Variants in DYNC1I1 observed in about 807,000 individuals in gnomAD.
DYNC1I1 encodes dynein cytoplasmic 1 intermediate chain 1, also known as cytoplasmic dynein 1 intermediate chain 1.
Under a neutral mutation model 86.6 loss-of-function variants are expected in DYNC1I1, and 43 were observed. The ratio of observed to expected loss-of-function variants is 0.50; its 90% CI spans 0.39 to 0.64. The LOEUF (loss-of-function observed/expected upper bound fraction) is 0.64. Ranked by LOEUF, DYNC1I1 falls within the 30% of genes least tolerant of loss-of-function variation. DYNC1I1 has a pLI of 0.00. For missense variants in DYNC1I1, 604 were observed against 788.8 expected, an observed-to-expected ratio of 0.77 and a Z score of 2.81; for synonymous variants, 262 against 283.7, an observed-to-expected ratio of 0.92 and a Z score of 0.77.
At chr7:96,017,124 AT>A (rs1794422090) in intron 10 of DYNC1I1, among the ~76,000 whole-genome samples, 1 of 152,146 alleles carries the variant, frequency 6.6e-6, no homozygotes, top group Admixed American at 6.6e-5. Flanking sequence ...GTCTTGAGTA[AT>A]CTGTTCTCTC....
intron 6 of DYNC1I1, among the ~76,000 whole-genome samples, chr7:95,934,078 G>GC (rs1791975232): frequency 6.6e-6 from 1 of 152,068 alleles, no homozygotes; most frequent in Non-Finnish European, 1.5e-5. Context: ...TCTTGGAACA[G>GC]TGATAAAGAA....
chr7:96,038,375 TC>T (rs1788932790), intron 13 of DYNC1I1, among the ~76,000 whole-genome samples: 1 of 152,206 alleles, frequency 6.6e-6, no homozygotes, highest in African/African-American at 2.4e-5. Context: ...TCTCACATCT[TC>T]CTAATTGTAT....
chr7:95,996,169 C>T (rs1199554473), intron 10 of DYNC1I1, 96 bp downstream of exon 10: 9 of 1,548,056 alleles, frequency 5.8e-6, no homozygotes, highest in Admixed American at 2.0e-5. Context: ...AGGAAGAACT[C>T]AGTTTAAAAA....
intron 6 of DYNC1I1, among the ~76,000 whole-genome samples, chr7:95,967,096 G>A (rs1320370057): frequency 6.6e-6 from 1 of 152,030 alleles, no homozygotes; most frequent in African/African-American, 2.4e-5. Flanking sequence ...CCACATTGGG[G>A]CATACAGATA....
chr7:96,103,424 A>G (rs1413962117), downstream of DYNC1I1, among the ~76,000 whole-genome samples: 1 of 152,216 alleles, frequency 6.6e-6, no homozygotes, highest in African/African-American at 2.4e-5. Context: ...CATCTCTGTC[A>G]TGATTCTGGC....
chr7:96,018,096 C>G (rs914783721), intron 10 of DYNC1I1, among the ~76,000 whole-genome samples: 1 of 152,198 alleles, frequency 6.6e-6, no homozygotes, highest in Non-Finnish European at 1.5e-5. Flanking sequence ...AGAAACCCAA[C>G]TGGAGAGAGG....
chr7:95,779,038 A>G (rs1016092320), intron 1 of DYNC1I1, among the ~76,000 whole-genome samples: 11 of 152,094 alleles, frequency 7.2e-5, no homozygotes, highest in African/African-American at 2.4e-4. Flanking sequence ...CAATGTCTGG[A>G]GACATTTTTT....
chr7:96,102,513 A>G (rs1298270187), downstream of DYNC1I1, among the ~76,000 whole-genome samples: 1 of 152,206 alleles, frequency 6.6e-6, no homozygotes, highest in East Asian at 1.9e-4. Flanking sequence ...AGCCCCCACC[A>G]CAAAGAAGGA....
intron 14 of DYNC1I1, among the ~76,000 whole-genome samples, chr7:96,072,569 A>T (rs1033488577): frequency 3.3e-5 from 5 of 152,162 alleles, no homozygotes; most frequent in African/African-American, 1.2e-4. Context: ...TGGCTTTCAT[A>T]TGTACAAATA....
At chr7:96,107,591 G>A (rs1347080035) in intron 16 of DYNC1I1, among the ~76,000 whole-genome samples, 1 of 151,022 alleles carries the variant, frequency 6.6e-6, no homozygotes, top group Admixed American at 6.6e-5. Context: ...GAGTGCAGTG[G>A]TACAATCTCA....
intron 10 of DYNC1I1, among the ~76,000 whole-genome samples, chr7:96,016,244 C>T (rs1794399748): frequency 6.6e-6 from 1 of 151,724 alleles, no homozygotes; most frequent in East Asian, 1.9e-4. Flanking sequence ...GCTGGCAAAA[C>T]CACCACAGTT....
chr7:95,922,760 T>C (rs1791644051), intron 6 of DYNC1I1, among the ~76,000 whole-genome samples: 1 of 152,106 alleles, frequency 6.6e-6, no homozygotes, highest in Non-Finnish European at 1.5e-5. Context: ...CTCCAGGTTT[T>C]GAAAAAACTA....
At chr7:96,088,132 A>G (rs953072415) in intron 16 of DYNC1I1, among the ~76,000 whole-genome samples, 1 of 152,136 alleles carries the variant, frequency 6.6e-6, no homozygotes, top group Non-Finnish European at 1.5e-5. Context: ...TATTATATAA[A>G]TAGTGTGCTT....
chr7:96,090,170 T>G (rs1790799266), intron 16 of DYNC1I1, among the ~76,000 whole-genome samples: 1 of 152,182 alleles, frequency 6.6e-6, no homozygotes, highest in African/African-American at 2.4e-5. Flanking sequence ...TGATAAGATT[T>G]TAATACAAAT....
intron 16 of DYNC1I1, among the ~76,000 whole-genome samples, chr7:96,090,521 T>TAAA (rs11409738): frequency 1.3e-5 from 2 of 148,830 alleles, no homozygotes; most frequent in African/African-American, 4.9e-5. Flanking sequence ...AGTGTTACTG[T>TAAA]AAAAAAAAAA....
chr7:95,994,809 A>G (rs1208650283), intron 9 of DYNC1I1, among the ~76,000 whole-genome samples: 2 of 152,202 alleles, frequency 1.3e-5, no homozygotes, highest in Non-Finnish European at 1.5e-5. Flanking sequence ...TCAGTATAGG[A>G]AGCCATTTAT....
At chr7:95,803,672 A>G (rs905438555) in intron 1 of DYNC1I1, among the ~76,000 whole-genome samples, 1 of 152,196 alleles carries the variant, frequency 6.6e-6, no homozygotes, top group Non-Finnish European at 1.5e-5. Context: ...ATCTACTTCA[A>G]GATACATTAT....
intron 1 of DYNC1I1, among the ~76,000 whole-genome samples, chr7:95,780,949 A>G (rs1793976670): frequency 6.6e-6 from 1 of 152,122 alleles, no homozygotes; most frequent in Non-Finnish European, 1.5e-5. Flanking sequence ...TAGTATCAAT[A>G]TAGCAAGAGG....
At chr7:95,874,517 C>T (rs193114529) in intron 6 of DYNC1I1, among the ~76,000 whole-genome samples, 120 of 152,274 alleles carry the variant, frequency 7.9e-4, no homozygotes, top group South Asian at 5.4e-3. Flanking sequence ...TGTGTATCCC[C>T]ACAATTCATA....
Sources: allele counts gnomAD v4.1 joint callset (sites outside exome capture counted in the v4.1 genomes callset), GRCh38; gene constraint gnomAD v4.1.1; transcripts MANE v1.5; gene names NCBI Gene and HGNC (gene_info 2026-07-23, HGNC 2026-07-21).